DIP2C: variants seen among roughly 807,000 people sequenced by gnomAD.
DIP2C encodes the protein disco-interacting protein 2 homolog C.
In DIP2C, 33 loss-of-function variants were observed where a neutral mutation model predicts 192.4. The ratio of observed to expected loss-of-function variants is 0.17; its 90% CI spans 0.13 to 0.23. The LOEUF (loss-of-function observed/expected upper bound fraction) is 0.23, where lower values mean the gene tolerates loss of function less well. Among genes scored for constraint, DIP2C ranks in the 10% least tolerant of loss-of-function variants. The pLI is 1.00. For synonymous variants in DIP2C, 979 were observed against 864.1 expected, an observed-to-expected ratio of 1.13 and a Z score of -2.33; for missense variants, 1,537 against 2,110.1, an observed-to-expected ratio of 0.73 and a Z score of 5.32.
intron 1 of DIP2C, among the ~76,000 whole-genome samples, chr10:536,384 G>T (rs1181588927): frequency 1.3e-5 from 2 of 151,132 alleles, no homozygotes; most frequent in Non-Finnish European, 2.9e-5. Flanking sequence ...ACAGTCCCGG[G>T]GGCTAGAGTT....
At position 335,220 on chromosome 10, in the gene DIP2C, A is replaced by G. The variant is rs544709109; in HGVS notation, c.3585-5619T>C. Among the ~76,000 whole-genome samples the G allele has an allele frequency of 1.9e-3, 285 of 152,052 alleles. 2 individuals are homozygous for G. The highest frequency in any genetic ancestry group is 3.3e-3 in the Non-Finnish European group (226 of 68,036). On this transcript the variant is annotated intron_variant, in intron 29 of 36. Transcript: ENST00000280886. ...AGGACACAAATTATTTGTGTTACTT[A>G]ACTTTCAAACAATCACAAAGTTATA... is the stretch of plus-strand genomic sequence containing the variant.
intron 34 of DIP2C, among the ~76,000 whole-genome samples, chr10:284,361 CCT>C (rs1380722658): frequency 2.0e-5 from 3 of 152,198 alleles, no homozygotes; most frequent in African/African-American, 7.2e-5. Context: ...TGACAGCCGT[CCT>C]CTGTTCCCTA....
intron 1 of DIP2C, among the ~76,000 whole-genome samples, chr10:512,923 A>G (rs11598064): frequency 0.15 from 3,842 of 25,012 alleles, 58 homozygotes; most frequent in Non-Finnish European, 0.19. Flanking sequence ...CCACTTCAGG[A>G]AAAAAAAAAA....
intron 31 of DIP2C, among the ~76,000 whole-genome samples, chr10:318,076 C>CA (rs1202926245): frequency 6.6e-6 from 1 of 152,164 alleles, no homozygotes; most frequent in East Asian, 1.9e-4. Context: ...GCAGCTGCAT[C>CA]ACGGTGGCTT....
chr10:461,103 A>G (rs1304536110), intron 3 of DIP2C, among the ~76,000 whole-genome samples: 1 of 152,242 alleles, frequency 6.6e-6, no homozygotes, highest in Non-Finnish European at 1.5e-5. Context: ...AACATAACAA[A>G]TTGTAAAGAC....
chr10:512,922 G>GAAAAAA lies in DIP2C; in HGVS notation c.86-26398_86-26393dup, dbSNP rs60269783. Among the ~76,000 whole-genome samples, 10 of 92,178 alleles carry GAAAAAA rather than the reference G, an allele frequency of 1.1e-4. 1 individual carries two copies. Among genetic ancestry groups the GAAAAAA allele is most frequent in the Admixed American group, 6.6e-4 (5 of 7,586 alleles). 60.5% of individuals were successfully genotyped at this position (92,178 alleles called of 152,430 possible). ...TGACAACAGCGAGACCCCACTTCAGGAAAAAAAAAAAAAAAAAAAAAAGGG... is the reference window on the plus strand; with the variant it reads ...TGACAACAGCGAGACCCCACTTCAGGAAAAAAAAAAAAAAAAAAAAAAAAAAAAGGG... On this transcript the variant is annotated intron_variant, in intron 1 of 36. Coordinates refer to ENST00000280886, the MANE Select transcript of DIP2C (RefSeq NM_014974.3).
chr10:378,914 G>A (rs1962020916), intron 17 of DIP2C, among the ~76,000 whole-genome samples: 1 of 152,234 alleles, frequency 6.6e-6, no homozygotes, highest in Non-Finnish European at 1.5e-5. Context: ...CACGGACACA[G>A]ACATGCGTGA....
In DIP2C at chr10:356,501, C is replaced by G. The variant is rs540874513; in HGVS notation, c.2910G>C (p.Leu970=). 6 of 1,611,600 alleles carry G rather than the reference C, an allele frequency of 3.7e-6. No homozygotes were observed. The East Asian group carries it at 8.9e-5, about 24-fold the overall frequency. The change falls in exon 24 of 37, where the codon CTG becomes CTC. Residue 970 remains leucine (L), a synonymous_variant. Coordinates refer to ENST00000280886, the MANE Select transcript of DIP2C (RefSeq NM_014974.3). ...TCCACTGCAAGACCTCTGAGAGGAA[C>G]AGGAACTGGAACAGAGCACGGGCAT... ...IEDNDQARKF[L]FLSEVLQWRA...
chr10:381,256 T>A (rs1321186265), intron 17 of DIP2C, among the ~76,000 whole-genome samples: 1 of 152,108 alleles, frequency 6.6e-6, no homozygotes, highest in Non-Finnish European at 1.5e-5. Context: ...TAAATATGCA[T>A]CATATGCATG....
chr10:384,084 T>C lies in DIP2C; in HGVS notation c.1819A>G (p.Arg607Gly). The C allele has an allele frequency of 2.5e-6, 4 of 1,612,532 alleles. No homozygotes were observed. The highest frequency in any genetic ancestry group is 3.4e-6 in the Non-Finnish European group (4 of 1,179,636). Residue 607 changes from arginine (R) to glycine (G), a missense_variant, in exon 16 of 37, where the codon AGA becomes GGA. Arg to Gly is a moderately radical substitution (Grantham distance 125, BLOSUM62 -2). Coordinates refer to ENST00000280886, the MANE Select transcript of DIP2C (RefSeq NM_014974.3). ...CGCAGAGAGGAGAGGTTGATGTCTC[T>C]CTGATCTCTGTGTGCTACTAATGCC... ...HWALVAHRDQ[R>G]DINLSSLRML...
intron 31 of DIP2C, among the ~76,000 whole-genome samples, chr10:311,047 GA>G (rs1223032231): frequency 1.6e-4 from 25 of 152,040 alleles, no homozygotes; most frequent in Middle Eastern, 3.4e-3. Context: ...ACAATGTCAT[GA>G]AAACATACCA....
chr10:377,019 A>G (rs574161708), intron 17 of DIP2C, among the ~76,000 whole-genome samples: 411 of 152,262 alleles, frequency 2.7e-3, no homozygotes, highest in Non-Finnish European at 4.9e-3. Flanking sequence ...ATTTAATGTA[A>G]TATTCTTCCT....
intron 1 of DIP2C, among the ~76,000 whole-genome samples, chr10:687,257 C>T (rs891921827): frequency 3.3e-5 from 5 of 152,234 alleles, no homozygotes; most frequent in Non-Finnish European, 7.3e-5. Context: ...CAAGTTGATT[C>T]ATCTAATTTA....
intron 3 of DIP2C, among the ~76,000 whole-genome samples, chr10:459,143 CTT>C (rs1398339526): frequency 6.6e-6 from 1 of 152,106 alleles, no homozygotes; most frequent in East Asian, 1.9e-4. Context: ...TAAATCAAAA[CTT>C]TTTAAAAAAC....
chr10:413,835 C>A (rs920348490), intron 8 of DIP2C, 78 bp downstream of exon 8: 2 of 1,531,172 alleles, frequency 1.3e-6, no homozygotes, highest in South Asian at 1.2e-5. Context: ...AGGATGTAAA[C>A]GGACACTGAG....
intron 1 of DIP2C, among the ~76,000 whole-genome samples, chr10:509,423 C>G (rs931892055): frequency 3.9e-5 from 6 of 152,178 alleles, no homozygotes; most frequent in African/African-American, 9.7e-5. Flanking sequence ...CCGCGCTGCT[C>G]CCCCTCCCAC....
intron 1 of DIP2C, among the ~76,000 whole-genome samples, chr10:577,686 T>G (rs1250073627): frequency 1.3e-5 from 2 of 152,206 alleles, no homozygotes; most frequent in Non-Finnish European, 2.9e-5. Flanking sequence ...AATACAAGGT[T>G]TTGCTTTTAA....
chr10:522,998 G>A (rs1009427698), intron 1 of DIP2C, among the ~76,000 whole-genome samples: 4 of 151,808 alleles, frequency 2.6e-5, no homozygotes, highest in African/African-American at 4.8e-5. Flanking sequence ...GAGGATGCAC[G>A]GACTCTGTGT....
At chr10:279,044 A>C (rs571156478) in intron 36 of DIP2C, among the ~76,000 whole-genome samples, 1 of 152,314 alleles carries the variant, frequency 6.6e-6, no homozygotes, top group South Asian at 2.1e-4. Flanking sequence ...AAAAACGCAT[A>C]TTTTATTCAG....
Sources: allele counts gnomAD v4.1 joint callset (sites outside exome capture counted in the v4.1 genomes callset), GRCh38; gene constraint gnomAD v4.1.1; transcripts MANE v1.5; gene names NCBI Gene and HGNC (gene_info 2026-07-23, HGNC 2026-07-21).